INTS4: variants seen among roughly 807,000 people sequenced by gnomAD.
INTS4 encodes the protein integrator complex subunit 4.
INTS4 carries 70 observed loss-of-function variants against 119.5 expected under a neutral mutation model. That is an observed-to-expected ratio of 0.59 (90% CI 0.48 to 0.71). The LOEUF (loss-of-function observed/expected upper bound fraction) is 0.71, where lower values mean the gene tolerates loss of function less well. Among genes scored for constraint, INTS4 ranks in the 30% least tolerant of loss-of-function variants. The pLI is 0.00. For synonymous variants in INTS4, 316 were observed against 419.6 expected (o/e 0.75, Z 3.02); for missense variants, 867 against 1,173.2 (o/e 0.74, Z 3.81).
At chr11:77,976,675 C>G (rs546027872) in intron 4 of INTS4, among the ~76,000 whole-genome samples, 5 of 152,148 alleles carry the variant, frequency 3.3e-5, no homozygotes, top group Non-Finnish European at 7.3e-5. Context: ...TGGAACCAAC[C>G]CAAATGTCCA....
At chr11:77,890,030 G>A (rs1265112657) in intron 21 of INTS4, among the ~76,000 whole-genome samples, 2 of 152,100 alleles carry the variant, frequency 1.3e-5, no homozygotes, top group Non-Finnish European at 2.9e-5. Context: ...GTGTCCATAG[G>A]CCCTATTCTC....
intron 4 of INTS4, among the ~76,000 whole-genome samples, chr11:77,969,721 A>C (rs546772537): frequency 2.4e-4 from 37 of 151,360 alleles, no homozygotes; most frequent in African/African-American, 7.5e-4. Context: ...CCATCACCAC[A>C]GTCAGTTTTC....
intron 15 of INTS4, among the ~76,000 whole-genome samples, chr11:77,908,609 G>C (rs1184054907): frequency 6.6e-6 from 1 of 152,158 alleles, no homozygotes; most frequent in African/African-American, 2.4e-5. Context: ...TTACAGGCGT[G>C]AGCCACCGCC....
rs1338640904 is a variant in INTS4 at position 77,891,725 on chromosome 11, T to C, written c.2404A>G (p.Met802Val). 1.9e-6 allele frequency: 3 copies of C among 1,611,878 alleles called. No homozygotes were observed. Among genetic ancestry groups the C allele is most frequent in the South Asian group, 1.1e-5 (1 of 90,990 alleles). The change falls in exon 20 of 23, where the codon ATG (methionine) becomes GTG (valine). Residue 802 changes from methionine to valine, a missense_variant. Transcript: ENST00000534064. Reference protein sequence around the residue: ...PAEVVKILQTMLRQSAFLHLP... With the variant: ...PAEVVKILQTVLRQSAFLHLP... The stretch of plus-strand genomic sequence containing the variant: ...TGCAGAAAGGCACTCTGTCGCAGCA[T>C]GGTCTGTAGAATTTTGACCACTTCT...
chr11:77,922,351 G>A lies in INTS4; in HGVS notation c.1630+5C>T. ...ATCAGGGCCCATCCTAAGCACAGAG[G>A]ATACAAGCTGGATCATCCATGTCTG... On this transcript the variant is annotated splice_donor_5th_base_variant and intron_variant, in intron 13 of 22. Coordinates refer to ENST00000534064, the MANE Select transcript of INTS4 (RefSeq NM_033547.4). The A allele has an allele frequency of 6.9e-7, 1 of 1,458,070 alleles. No homozygotes were observed. The allele number at this position is 1,458,070 out of a possible 1,614,324, so 90.3% of individuals were successfully genotyped here.
At chr11:77,900,859 G>C in intron 18 of INTS4, 1 of 515,210 alleles carries the variant, frequency 1.9e-6, no homozygotes, top group East Asian at 3.3e-5. Context: ...CATGCTAAGT[G>C]TTTTTACATG....
chr11:77,952,283 C>T (rs1954215329), intron 8 of INTS4, among the ~76,000 whole-genome samples: 4 of 152,194 alleles, frequency 2.6e-5, no homozygotes, highest in South Asian at 4.1e-4. Context: ...AAGGATTATA[C>T]GTGGGCTTTA....
At chr11:77,932,590 A>G (rs1369965297) in intron 10 of INTS4, among the ~76,000 whole-genome samples, 1 of 152,250 alleles carries the variant, frequency 6.6e-6, no homozygotes, top group Non-Finnish European at 1.5e-5. Context: ...CATTTGACCC[A>G]GCAATCCCAT....
chr11:77,899,493 G>A, intron 18 of INTS4, among the ~76,000 whole-genome samples: 1 of 151,938 alleles, frequency 6.6e-6, no homozygotes, highest in East Asian at 1.9e-4. Context: ...CTAACATGGT[G>A]AAACCCGTCT....
rs553438677 is a variant in INTS4 at position 77,911,581 on chromosome 11, C to T, written c.1923-3771G>A. Among the ~76,000 whole-genome samples, 4 of 152,308 alleles carry T rather than the reference C, an allele frequency of 2.6e-5. No individual in the cohort carries two copies. In the South Asian group the frequency reaches 8.3e-4, roughly 32 times the overall value. On this transcript the variant is annotated intron_variant, in intron 15 of 22. Transcript: ENST00000534064. ...TGCACAAAACAAGATGTAACCCAAT[C>T]CAACACAATTAGCCATAAGAAATCT... is the stretch of plus-strand genomic sequence containing the variant.
chr11:77,970,528 T>C (rs12786047), intron 4 of INTS4, among the ~76,000 whole-genome samples: 58,800 of 151,384 alleles, frequency 0.39, 11,593 homozygotes, highest in African/African-American at 0.44. Flanking sequence ...CAGACTGTTT[T>C]TGAAAGCAGC....
chr11:77,942,596 C>T (rs1363309710), intron 8 of INTS4, among the ~76,000 whole-genome samples: 1 of 152,120 alleles, frequency 6.6e-6, no homozygotes, highest in African/African-American at 2.4e-5. Context: ...AGAACTGAGG[C>T]TGAGATTAGG....
chr11:77,913,248 G>C, intron 15 of INTS4, among the ~76,000 whole-genome samples: 1 of 151,258 alleles, frequency 6.6e-6, no homozygotes. Flanking sequence ...TATAAAATTT[G>C]ATTTAGTTAC....
intron 4 of INTS4, among the ~76,000 whole-genome samples, chr11:77,962,766 T>C (rs1036032128): frequency 6.6e-6 from 1 of 151,980 alleles, no homozygotes; most frequent in Non-Finnish European, 1.5e-5. Flanking sequence ...CACTAATGGA[T>C]AATGATTCTC....
intron 4 of INTS4, among the ~76,000 whole-genome samples, chr11:77,973,245 T>C (rs981955953): frequency 6.6e-6 from 1 of 152,246 alleles, no homozygotes; most frequent in Non-Finnish European, 1.5e-5. Flanking sequence ...ATATTTTGTA[T>C]GCTGATTTTG....
intron 7 of INTS4, 96 bp from the exon 8 acceptor site, chr11:77,956,158 C>T (rs915735866): frequency 1.7e-5 from 25 of 1,459,716 alleles, no homozygotes; most frequent in Non-Finnish European, 2.2e-5. Context: ...TCTATAATCC[C>T]AACACTTTGG....
intron 7 of INTS4, among the ~76,000 whole-genome samples, chr11:77,957,115 T>C (rs983701739): frequency 3.3e-5 from 5 of 152,204 alleles, no homozygotes; most frequent in African/African-American, 1.2e-4. Flanking sequence ...TTTATATTTT[T>C]AGTAGAGATG....
chr11:77,975,621 A>C (rs558153071), intron 4 of INTS4, among the ~76,000 whole-genome samples: 4 of 152,274 alleles, frequency 2.6e-5, no homozygotes, highest in Non-Finnish European at 5.9e-5. Context: ...AAAGCTTGTG[A>C]CAGATCTGCC....
intron 15 of INTS4, chr11:77,910,983 TCA>T: frequency 7.8e-7 from 1 of 1,288,666 alleles, no homozygotes; most frequent in Non-Finnish European, 1.0e-6. Context: ...AAGGTCTGAG[TCA>T]CTTGGGAAGC....
Sources: allele counts gnomAD v4.1 joint callset (sites outside exome capture counted in the v4.1 genomes callset), GRCh38; gene constraint gnomAD v4.1.1; transcripts MANE v1.5; gene names NCBI Gene and HGNC (gene_info 2026-07-23, HGNC 2026-07-21).